HYOU1: variants seen among roughly 807,000 people sequenced by gnomAD.
HYOU1 encodes hypoxia up-regulated protein 1.
In HYOU1, 40 loss-of-function variants were observed where a neutral mutation model predicts 120.5. The observed-to-expected ratio is 0.33, with a 90% CI of 0.26 to 0.43. The LOEUF (loss-of-function observed/expected upper bound fraction) is 0.43, where lower values mean the gene tolerates loss of function less well. HYOU1 is among the 20% of genes least tolerant of loss of function. The pLI, the probability that HYOU1 is intolerant of heterozygous loss-of-function variation, is 1.00. For missense variants in HYOU1, 1,085 were observed against 1,278.3 expected, an observed-to-expected ratio of 0.85 and a Z score of 2.31; for synonymous variants, 501 against 479.4, an observed-to-expected ratio of 1.05 and a Z score of -0.59.
In HYOU1 at chr11:119,046,703, C is replaced by T. The variant is rs2133552652; in HGVS notation, c.2695G>A (p.Asp899Asn). The T allele has an allele frequency of 6.2e-7, 1 of 1,613,348 alleles. No homozygotes were observed. Among genetic ancestry groups the T allele is most frequent in the South Asian group, 1.1e-5 (1 of 91,076 alleles). ...TTGAGCAGATACTGCACCTCTCGGTCCAGGGCCATCATCTTAGCTTCAATG... is the reference window on the plus strand; with the variant it reads ...TTGAGCAGATACTGCACCTCTCGGTTCAGGGCCATCATCTTAGCTTCAATG... ...KDIEAKMMAL[D>N]REVQYLLNKA... The change falls in exon 23 of 26, where the codon GAC becomes AAC. Residue 899 changes from aspartate (D) to asparagine (N), a missense_variant. By Grantham distance (23) the Asp-to-Asn change is conservative. This residue lies in a region of HYOU1 where 516 missense variants were observed against 517.1 expected (regional missense o/e 1.00). Transcript: ENST00000617285.
At chr11:119,056,365 G>C (rs782254444) in intron 1 of HYOU1, 198 bp from the exon 2 acceptor site, 2 of 665,310 alleles carry the variant, frequency 3.0e-6, no homozygotes, top group South Asian at 3.0e-5. Context: ...CCACACAAAG[G>C]CCCAAGTGAA....
rs2133551184 is a variant in HYOU1 at position 119,046,588 on chromosome 11, T to C, written c.2810A>G (p.Gln937Arg). Reference protein sequence around the residue: ...EPPLNASASDQGEKVIPPAGQ... With the variant: ...EPPLNASASDRGEKVIPPAGQ... ...TGCTGGAGGGATGACCTTCTCCCCC[T>C]GGTCACTGGCACTGGCATTGAGGGG... The change falls in exon 23 of 26, where the codon CAG (glutamine) becomes CGG (arginine). Residue 937 changes from glutamine (Q) to arginine (R), a missense_variant. Transcript: ENST00000617285. 131 of 1,613,916 alleles carry C rather than the reference T, an allele frequency of 8.1e-5. 2 individuals are homozygous for C. The South Asian group carries it at 1.2e-3, about 15-fold the overall frequency.
In HYOU1 at chr11:119,052,839, A is replaced by G; in HGVS notation, c.795-10T>C. 5.0e-6 allele frequency: 8 copies of G among 1,607,898 alleles called. No homozygotes were observed. The highest frequency in any genetic ancestry group is 6.8e-6 in the Non-Finnish European group (8 of 1,176,784). ...CAGGGTACGGTCAAATCTGTTGAGA[A>G]AAGGGAGCAGGGAAAAAAGTGAAGA... On this transcript the variant is annotated splice_polypyrimidine_tract_variant and intron_variant, in intron 8 of 25. Transcript: ENST00000617285. This position sits in a 1 kb window ranked among gnomAD's most constrained non-coding sequence, Gnocchi z 5.0.
chr11:119,056,009 T>C, intron 2 of HYOU1, 61 bp downstream of exon 2: 1 of 1,497,870 alleles, frequency 6.7e-7, no homozygotes, highest in Non-Finnish European at 9.3e-7. Context: ...CCAAGCTCAA[T>C]TCCCATCATG....
In HYOU1 at chr11:119,055,598, G is replaced by A. The variant is rs1352003397; in HGVS notation, c.186-27C>T. On this transcript the variant is annotated intron_variant, in intron 3 of 25. Transcript: ENST00000617285. This position sits in a 1 kb window ranked among gnomAD's most constrained non-coding sequence, Gnocchi z 4.0. Reference sequence around the variant, plus strand: ...TGAGGAAAAGAGATTTTGGGCCCAGGTGCCTGCAGCAGAAGGACTCAGAAG... The same window carrying A: ...TGAGGAAAAGAGATTTTGGGCCCAGATGCCTGCAGCAGAAGGACTCAGAAG... 6.2e-6 allele frequency: 10 copies of A among 1,601,770 alleles called. No homozygotes were observed. Among genetic ancestry groups the A allele is most frequent in the African/African-American group, 1.3e-5 (1 of 74,592 alleles).
intron 1 of HYOU1, 130 bp downstream of exon 1, chr11:119,056,890 C>G (rs568306478): frequency 6.4e-6 from 1 of 156,292 alleles, no homozygotes; most frequent in Non-Finnish European, 1.4e-5. Flanking sequence ...GAGCTGCGTG[C>G]CCCCCGGTGC....
rs782012098 is a variant in HYOU1, at chr11:119,055,734, C to A, written c.185+16G>T. On this transcript the variant is annotated intron_variant, in intron 3 of 25. Coordinates refer to ENST00000617285, the MANE Select transcript of HYOU1 (RefSeq NM_006389.5). The surrounding 1 kb of genome is among the most constrained non-coding windows in gnomAD (Gnocchi z 4.0). ...ACTCCCTCGTTCCCCACCCTTAACA[C>A]GGGGGCCACCCTCACTTATTCAAGA... 6.2e-7 allele frequency: 1 copy of A among 1,608,340 alleles called. No individual in the cohort carries two copies. Among genetic ancestry groups the A allele is most frequent in the Non-Finnish European group, 8.5e-7 (1 of 1,174,726 alleles).
chr11:119,045,199 G>A lies in HYOU1; in HGVS notation c.*394C>T. The A allele has an allele frequency of 2.2e-6, 1 of 462,968 alleles. No individual in the cohort carries two copies. The highest frequency in any genetic ancestry group is 4.3e-6 in the Non-Finnish European group (1 of 230,100). The allele number at this position is 462,968 out of a possible 1,614,324, so 28.7% of individuals were successfully genotyped here. ...CATGGTGGGAGAGGAAGGGAGGGAA[G>A]GAACAATCACCAGAGAAGAGTGGAA... On this transcript the variant is annotated 3_prime_UTR_variant, in exon 26 of 26. Transcript: ENST00000617285.
rs2133560468 is a variant in HYOU1, at chr11:119,048,033, C to T, written c.2424G>A (p.Leu808=). Residue 808 remains leucine, a synonymous_variant, in exon 21 of 26, where the codon CTG becomes CTA. Coordinates refer to ENST00000617285, the MANE Select transcript of HYOU1 (RefSeq NM_006389.5). The surrounding 1 kb of genome is among the most constrained non-coding windows in gnomAD (Gnocchi z 4.7). ...LAELRKLCQG[L]FFRVEERKKW... ...TCTTGCGCTCCTCTACCCGAAAAAA[C>T]AGCCCTTGGCACAGCTTCCTCAGCT... The T allele has an allele frequency of 6.2e-7, 1 of 1,614,256 alleles. No homozygotes were observed. Among genetic ancestry groups the T allele is most frequent in the Admixed American group, 1.7e-5 (1 of 60,032 alleles).
chr11:119,048,146 G>A lies in HYOU1; in HGVS notation c.2377-66C>T. 1 of 1,611,638 alleles carries A rather than the reference G, an allele frequency of 6.2e-7. No individual in the cohort carries two copies. Among genetic ancestry groups the A allele is most frequent in the Non-Finnish European group, 8.5e-7 (1 of 1,179,508 alleles). On this transcript the variant is annotated intron_variant, in intron 20 of 25. Transcript: ENST00000617285. This position sits in a 1 kb window ranked among gnomAD's most constrained non-coding sequence, Gnocchi z 4.7. Reference sequence around the variant, plus strand: ...CAGCAGAGCCTGGAGTCAGCCCCATGTCCTTCTTTATGGGCTCAAGCCCCA... The same window carrying A: ...CAGCAGAGCCTGGAGTCAGCCCCATATCCTTCTTTATGGGCTCAAGCCCCA...
intron 24 of HYOU1, among the ~76,000 whole-genome samples, chr11:119,046,212 C>T (rs147350927): frequency 0.023 from 3,468 of 151,846 alleles, 140 homozygotes; most frequent in African/African-American, 0.077. Context: ...GTGATCTACC[C>T]GCCTCAGCCT....
At chr11:119,053,606 G>A (rs1321656857) in intron 8 of HYOU1, 1 of 152,546 alleles carries the variant, frequency 6.6e-6, no homozygotes, top group African/African-American at 2.4e-5. Context: ...AGAACTGAAA[G>A]GAGACGTCAC....
At chr11:119,046,298 T>TA in intron 24 of HYOU1, 119 bp downstream of exon 24, 1 of 842,804 alleles carries the variant, frequency 1.2e-6, no homozygotes, top group South Asian at 1.7e-5. Flanking sequence ...AACAACCCTT[T>TA]AAAAACGCAA....
At chr11:119,046,028 C>G (rs2133546839) in intron 24 of HYOU1, among the ~76,000 whole-genome samples, 197 bp from the exon 25 acceptor site, 16 of 152,212 alleles carry the variant, frequency 1.1e-4, no homozygotes, top group African/African-American at 3.9e-4. Context: ...GTGGCGCCAT[C>G]TTGGCTTACT....
Position 119,051,581 on chromosome 11 carries a change from G to T in HYOU1, c.1383C>A (p.Ser461Arg), listed in dbSNP as rs2133586094. ...AGAGTACCCGTTTATTGTGCTTCAG[G>T]CTGTGAATCCCAGGCTCCTCCTCCA... ...REVEEEPGIH[S>R]LKHNKRVLFS... The change falls in exon 13 of 26, where the codon AGC becomes AGA. Residue 461 changes from serine (S) to arginine (R), a missense_variant. Physicochemically the swap from Ser to Arg is moderately radical, Grantham distance 110. Coordinates refer to ENST00000617285, the MANE Select transcript of HYOU1 (RefSeq NM_006389.5). The surrounding 1 kb of genome is among the most constrained non-coding windows in gnomAD (Gnocchi z 4.2). 2 of 1,614,142 alleles carry T rather than the reference G, an allele frequency of 1.2e-6. No individual in the cohort carries two copies. Among genetic ancestry groups the T allele is most frequent in the South Asian group, 1.1e-5 (1 of 91,070 alleles).
At position 119,051,952 on chromosome 11, in the gene HYOU1, C is replaced by T; in HGVS notation, c.1206-1G>A. On this transcript the variant is annotated splice_acceptor_variant, in intron 11 of 25. Coordinates refer to ENST00000617285, the MANE Select transcript of HYOU1 (RefSeq NM_006389.5). LOFTEE classifies it high-confidence loss of function. The surrounding 1 kb of genome is among the most constrained non-coding windows in gnomAD (Gnocchi z 4.2). ...ATTGATGTTCTTCCCCAGCTCCTCC[C>T]TGGGAAAGCCCCAAGCCTCAGCACG... 1 of 1,614,126 alleles carries T rather than the reference C, an allele frequency of 6.2e-7. No individual in the cohort carries two copies. Among genetic ancestry groups the T allele is most frequent in the South Asian group, 1.1e-5 (1 of 91,072 alleles).
In HYOU1 at chr11:119,049,199, T is replaced by C; in HGVS notation, c.1811A>G (p.Glu604Gly). ...GCTCCCCTCTGCAGGGCTCTCCTCT[T>C]CCTCCTGGGAAACACCACAGGCGCC... Reference protein sequence around the residue: ...KENGTDTVQEEEESPAEGSKD... With the variant: ...KENGTDTVQEGEESPAEGSKD... The change falls in exon 17 of 26, where the codon GAA (glutamate) becomes GGA (glycine). Residue 604 changes from glutamate (E) to glycine (G), a missense_variant. Glu to Gly is a moderately conservative substitution (Grantham distance 98). Transcript: ENST00000617285. 3 of 1,593,254 alleles carry C rather than the reference T, an allele frequency of 1.9e-6. No individual in the cohort carries two copies. The highest frequency in any genetic ancestry group is 2.6e-6 in the Non-Finnish European group (3 of 1,170,320).
rs996083026 is a variant in HYOU1 at position 119,054,887 on chromosome 11, C to T, written c.496+97G>A. ...AACCAAAATCTATCTTCAGATGTTG[C>T]TAAATGTTCCCTGGGAGGCAAACTT... is the stretch of plus-strand genomic sequence containing the variant. On this transcript the variant is annotated intron_variant, in intron 6 of 25. Coordinates refer to ENST00000617285, the MANE Select transcript of HYOU1 (RefSeq NM_006389.5). 8 of 1,309,650 alleles carry T rather than the reference C, an allele frequency of 6.1e-6. No individual in the cohort carries two copies. The Admixed American group carries it at 7.8e-5, about 13-fold the overall frequency. 81.1% of individuals were successfully genotyped at this position (1,309,650 alleles called of 1,614,324 possible).
Position 119,046,654 on chromosome 11 carries a change from C to T in HYOU1, c.2744G>A (p.Arg915Gln), listed in dbSNP as rs2133552046. The T allele has an allele frequency of 3.8e-5, 62 of 1,614,158 alleles. No homozygotes were observed. The South Asian group carries it at 5.6e-4, about 15-fold the overall frequency. ...CCCATTCTTGTCCTTAGGCCGGGGC[C>T]GGGGCTTGGTAAACTTGGCCTTATT... The part of the protein sequence containing the change: ...LLNKAKFTKP[R>Q]PRPKDKNGTR... Residue 915 changes from arginine (R) to glutamine (Q), a missense_variant, in exon 23 of 26, where the codon CGG becomes CAG. This residue lies in a region of HYOU1 where 516 missense variants were observed against 517.1 expected (regional missense o/e 1.00). Transcript: ENST00000617285.
Sources: gnomAD v4.1 joint callset for allele counts (sites outside exome capture counted in the v4.1 genomes callset) on GRCh38, gnomAD v4.1.1 for gene constraint, gnomAD v4.1.1 regional missense constraint, Gnocchi (gnomAD v3.1) non-coding constraint, MANE v1.5 for transcripts, NCBI Gene and HGNC (gene_info 2026-07-23, HGNC 2026-07-21) for gene names.